Variants in YTHDF1 observed in about 807,000 individuals in gnomAD.
The protein encoded by YTHDF1 is YTH domain-containing family protein 1.
YTHDF1 carries 16 observed loss-of-function variants against 49.1 expected under a neutral mutation model. That is an observed-to-expected ratio of 0.33 (90% confidence interval 0.22 to 0.49). The LOEUF (loss-of-function observed/expected upper bound fraction) is 0.49. YTHDF1 is among the 20% of genes least tolerant of loss of function. The pLI is 0.99. For synonymous variants in YTHDF1, 313 were observed against 290.1 expected (o/e 1.08, Z -0.80); for missense variants, 621 against 744.3 (o/e 0.83, Z 1.93).
At chr20:63,206,040 G>C (rs959726130) in intron 3 of YTHDF1, among the ~76,000 whole-genome samples, 3 of 151,560 alleles carry the variant, frequency 2.0e-5, no homozygotes, top group Non-Finnish European at 4.4e-5. Flanking sequence ...GCGAATCAGG[G>C]GGGCGGTCTG....
At chr20:63,214,594 G>A (rs1380657600) in intron 2 of YTHDF1, among the ~76,000 whole-genome samples, 3 of 152,266 alleles carry the variant, frequency 2.0e-5, no homozygotes, top group South Asian at 2.1e-4. Context: ...GGTTTGGTCC[G>A]GAGAGGCGGG....
chr20:63,202,544 A>C lies in YTHDF1; in HGVS notation c.1396T>G (p.Ser466Ala), dbSNP rs1471404179. 11 of 1,614,088 alleles carry C rather than the reference A, an allele frequency of 6.8e-6. No homozygotes were observed. Among genetic ancestry groups the C allele is most frequent in the African/African-American group, 1.3e-5 (1 of 74,936 alleles). Residue 466 changes from serine to alanine, a missense_variant, in exon 4 of 5, where the codon TCT (serine) becomes GCT (alanine). Ser to Ala is a moderately conservative substitution (Grantham distance 99, BLOSUM62 1). Coordinates refer to ENST00000370339, the MANE Select transcript of YTHDF1 (RefSeq NM_017798.4). ...AACTTCCCCTTCCACTTGTCCTGAG[A>C]CCAGACCCCGGCACTGGTGCCGTAG... ...VDYGTSAGVW[S>A]QDKWKGKFDV...
At chr20:63,200,461 C>A (rs2066512404) in intron 4 of YTHDF1, among the ~76,000 whole-genome samples, 1 of 152,094 alleles carries the variant, frequency 6.6e-6, no homozygotes, top group Admixed American at 6.5e-5. Flanking sequence ...CCATATGGGC[C>A]CAGAGTTCTC....
At chr20:63,206,909 T>C (rs558898616) in intron 3 of YTHDF1, among the ~76,000 whole-genome samples, 7 of 147,394 alleles carry the variant, frequency 4.7e-5, no homozygotes, top group Non-Finnish European at 8.8e-5. Flanking sequence ...ACTCCTTCCC[T>C]GGTGAGGGAA....
Position 63,203,220 on chromosome 20 carries a change from C to G in YTHDF1, c.720G>C (p.Lys240Asn). Residue 240 changes from lysine (K) to asparagine (N), a missense_variant, in exon 4 of 5, where the codon AAG becomes AAC. Lys to Asn is a moderately conservative substitution (Grantham distance 94, BLOSUM62 0). Transcript: ENST00000370339. The surrounding 1 kb of genome is among the most constrained non-coding windows in gnomAD (Gnocchi z 4.4). ...TCATTTTAGGCTGTGGTTTTGCAGG[C>G]TTGCTGGCAATGGCAGCCCACGAGG... ...KPTSWAAIAS[K>N]PAKPQPKMKT... is the part of the protein sequence containing the mutation. The G allele has an allele frequency of 1.9e-6, 3 of 1,614,024 alleles. No homozygotes were observed. The highest frequency in any genetic ancestry group is 2.5e-6 in the Non-Finnish European group (3 of 1,180,036).
intron 3 of YTHDF1, among the ~76,000 whole-genome samples, chr20:63,210,175 A>G (rs1278210133): frequency 6.6e-6 from 1 of 152,124 alleles, no homozygotes; most frequent in Non-Finnish European, 1.5e-5. Context: ...CAGCACCATC[A>G]TAGTCTTATG....
rs1377668761 is a variant in YTHDF1 at position 63,216,002 on chromosome 20, CCCGGGCGCCGG to C, written c.-121_-111del. The C allele has an allele frequency of 1.9e-6, 2 of 1,025,992 alleles. No homozygotes were observed. Among genetic ancestry groups the C allele is most frequent in the South Asian group, 4.6e-5 (1 of 21,844 alleles). 63.6% of individuals were successfully genotyped at this position (1,025,992 alleles called of 1,614,324 possible). A position where few individuals can be genotyped will look rare whatever the true frequency, so the allele number is the denominator to read the frequency against. On this transcript the variant is annotated 5_prime_UTR_variant, in exon 1 of 5. Transcript: ENST00000370339. The stretch of plus-strand genomic sequence containing the variant: ...CGGCCCCGGGCCCCGCCGCCAATTC[CCCGGGCGCCGG>C]CCGGGCGGCGGCGGCGGCTGCTGGG...
At chr20:63,207,855 G>A (rs1174874380) in intron 3 of YTHDF1, among the ~76,000 whole-genome samples, 1 of 152,050 alleles carries the variant, frequency 6.6e-6, no homozygotes, top group Non-Finnish European at 1.5e-5. Context: ...ACCGGGTATG[G>A]TGGCAGGCAC....
rs577388182 is a variant in YTHDF1 at position 63,210,016 on chromosome 20, T to A, written c.132+3848A>T. Among the ~76,000 whole-genome samples, 614 of 152,294 alleles carry A rather than the reference T, an allele frequency of 4.0e-3. 2 individuals carry two copies. The highest frequency in any genetic ancestry group is 0.014 in the Middle Eastern group (4 of 294). ...CAGTCGTTTATCATCAATTATTACGTACTGTATGGTACTGTACGTAACTGT... is the reference window on the plus strand; with the variant it reads ...CAGTCGTTTATCATCAATTATTACGAACTGTATGGTACTGTACGTAACTGT... On this transcript the variant is annotated intron_variant, in intron 3 of 4. Transcript: ENST00000370339.
At position 63,203,372 on chromosome 20, in the gene YTHDF1, G is replaced by A. The variant is rs778508528; in HGVS notation, c.568C>T (p.Leu190=). The A allele has an allele frequency of 4.3e-6, 7 of 1,613,022 alleles. No homozygotes were observed. The African/African-American group carries it at 6.7e-5, about 15-fold the overall frequency. ...GAGGAGCTGACGTCCCCAATCTTCA[G>A]GCCAACCATGCCCTGCTCCAGGCTG... ...MNSLEQGMVG[L]KIGDVSSSAV... is the part of the protein sequence containing the mutation. Residue 190 remains leucine, a synonymous_variant, in exon 4 of 5, where the codon CTG becomes TTG. Transcript: ENST00000370339. The surrounding 1 kb of genome is among the most constrained non-coding windows in gnomAD (Gnocchi z 4.4).
chr20:63,203,174 T>C lies in YTHDF1; in HGVS notation c.766A>G (p.Met256Val). 6.2e-7 allele frequency: 1 copy of C among 1,613,842 alleles called. No individual in the cohort carries two copies. The highest frequency in any genetic ancestry group is 2.2e-5 in the East Asian group (1 of 44,880). ...PKMKTKSGPV[M>V]GGGLPPPPIK... ...GGTGGAGGGGGCAGCCCACCCCCCA[T>C]GACAGGCCCGCTCTTTGTTTTCATT... Residue 256 changes from methionine to valine, a missense_variant, in exon 4 of 5, where the codon ATG becomes GTG. Met to Val is a conservative substitution (Grantham distance 21). Around this residue, in one of 2 missense-constraint regions of YTHDF1, gnomAD observed 470 missense variants for 495.8 expected, o/e 0.95. Transcript: ENST00000370339. This position sits in a 1 kb window ranked among gnomAD's most constrained non-coding sequence, Gnocchi z 4.4.
intron 3 of YTHDF1, among the ~76,000 whole-genome samples, chr20:63,209,302 G>A (rs1368720212): frequency 6.6e-6 from 1 of 152,106 alleles, no homozygotes; most frequent in African/African-American, 2.4e-5. Context: ...ATAAACCCTA[G>A]CCTACTATGG....
intron 3 of YTHDF1, among the ~76,000 whole-genome samples, chr20:63,205,382 C>T (rs1189730367): frequency 2.0e-5 from 3 of 152,234 alleles, no homozygotes; most frequent in East Asian, 3.8e-4. Context: ...GACTAATGAA[C>T]CAATGACCCG....
Position 63,215,359 on chromosome 20 carries a change from G to A in YTHDF1, c.52+218C>T, listed in dbSNP as rs148667289. On this transcript the variant is annotated intron_variant, in intron 2 of 4. Transcript: ENST00000370339. ...CCATGATCATGCGGTGGGGAGAGAC[G>A]GGCCCAAACTACTCTGAGCAATCAT... is the stretch of plus-strand genomic sequence containing the variant. 4.3e-4 allele frequency among the ~76,000 whole-genome samples: 65 copies of A among 152,222 alleles called. No homozygotes were observed. In the East Asian group the frequency reaches 0.012, roughly 27 times the overall value.
intron 1 of YTHDF1, 48 bp downstream of exon 1, chr20:63,215,818 C>T: frequency 1.4e-6 from 2 of 1,452,560 alleles, no homozygotes; most frequent in East Asian, 3.1e-5. Flanking sequence ...TCAACCCAGA[C>T]CCCGCGCCTC....
intron 3 of YTHDF1, among the ~76,000 whole-genome samples, chr20:63,204,516 G>A (rs1364056403): frequency 6.6e-6 from 1 of 152,202 alleles, no homozygotes; most frequent in African/African-American, 2.4e-5. Flanking sequence ...GTAGGCCCCT[G>A]CACAGAGGGC....
At chr20:63,202,053 T>C (rs1299630663) in intron 4 of YTHDF1, among the ~76,000 whole-genome samples, 1 of 152,272 alleles carries the variant, frequency 6.6e-6, no homozygotes, top group Non-Finnish European at 1.5e-5. Context: ...GTGATCAAAG[T>C]CGTTCGGTGA....
At position 63,196,739 on chromosome 20, in the gene YTHDF1, A is replaced by C; in HGVS notation, c.1654-5T>G. On this transcript the variant is annotated splice_polypyrimidine_tract_variant and splice_region_variant and intron_variant, in intron 4 of 4. Coordinates refer to ENST00000370339, the MANE Select transcript of YTHDF1 (RefSeq NM_017798.4). ...TTTGTTTCGACTCTGCCGTTCCTGT[A>C]AAAAGAAAAAACAAAAGTTGAACGC... is the stretch of plus-strand genomic sequence containing the variant. 1.9e-6 allele frequency: 3 copies of C among 1,613,758 alleles called. No homozygotes were observed. Among genetic ancestry groups the C allele is most frequent in the Non-Finnish European group, 2.5e-6 (3 of 1,179,954 alleles).
Position 63,215,613 on chromosome 20 carries a change from C to T in YTHDF1, c.28-12G>A. 1 of 1,607,386 alleles carries T rather than the reference C, an allele frequency of 6.2e-7. No individual in the cohort carries two copies. The highest frequency in any genetic ancestry group is 1.1e-5 in the South Asian group (1 of 90,610). On this transcript the variant is annotated splice_polypyrimidine_tract_variant and intron_variant, in intron 1 of 4. Transcript: ENST00000370339. ...TGTCCTTTTGTTCTCTGCACCGCCG[C>T]AGGCCGGGACGTGGGGTACACACAA... is the stretch of plus-strand genomic sequence containing the variant.
Sources: allele counts gnomAD v4.1 joint callset (sites outside exome capture counted in the v4.1 genomes callset), GRCh38; gene constraint gnomAD v4.1.1; regional missense constraint gnomAD v4.1.1; non-coding constraint Gnocchi (gnomAD v3.1); transcripts MANE v1.5; gene names NCBI Gene and HGNC (gene_info 2026-07-23, HGNC 2026-07-21).